Variants in MAPK4 observed in about 807,000 individuals in gnomAD.
The protein encoded by MAPK4 is mitogen-activated protein kinase 4, also known as Erk3-related.
Under a neutral mutation model 47.7 loss-of-function variants are expected in MAPK4, and 22 were observed. That is an observed-to-expected ratio of 0.46 (90% CI 0.33 to 0.66). The LOEUF (loss-of-function observed/expected upper bound fraction) is 0.66. MAPK4 is among the 30% of genes least tolerant of loss of function. The pLI is 0.02. For synonymous variants in MAPK4, 390 were observed against 365.7 expected, an observed-to-expected ratio of 1.07 and a Z score of -0.76; for missense variants, 736 against 831.7, an observed-to-expected ratio of 0.88 and a Z score of 1.42.
At chr18:50,715,722 G>T (rs988448900) in intron 3 of MAPK4, among the ~76,000 whole-genome samples, 2 of 152,140 alleles carry the variant, frequency 1.3e-5, no homozygotes, top group African/African-American at 2.4e-5. Context: ...CTTAATATTG[G>T]ATTTTCTAGC....
intron 2 of MAPK4, among the ~76,000 whole-genome samples, chr18:50,694,678 C>A (rs1178478724): frequency 1.3e-5 from 2 of 152,138 alleles, no homozygotes; most frequent in African/African-American, 2.4e-5. Flanking sequence ...GTAGAGAGGC[C>A]TTTGGTGACC....
At chr18:50,626,320 G>A (rs2042777814) in intron 1 of MAPK4, among the ~76,000 whole-genome samples, 1 of 152,214 alleles carries the variant, frequency 6.6e-6, no homozygotes, top group African/African-American at 2.4e-5. Context: ...CTGAACGTGA[G>A]GTCTGTGGAG....
At chr18:50,713,584 A>C (rs975354472) in intron 2 of MAPK4, among the ~76,000 whole-genome samples, 1 of 152,250 alleles carries the variant, frequency 6.6e-6, no homozygotes, top group Non-Finnish European at 1.5e-5. Context: ...ATAACAAGAC[A>C]CAGCTGCTGC....
At chr18:50,704,560 C>T (rs1486858390) in intron 2 of MAPK4, 1 of 398,494 alleles carries the variant, frequency 2.5e-6, no homozygotes, top group African/African-American at 2.1e-5. Context: ...CATTGTGGGT[C>T]ACATTCCAGA....
intron 1 of MAPK4, among the ~76,000 whole-genome samples, chr18:50,581,371 C>T (rs1458714199): frequency 2.6e-5 from 4 of 152,120 alleles, no homozygotes; most frequent in South Asian, 2.1e-4. Context: ...TGGCTGGAGG[C>T]GTTGGTTCCT....
intron 1 of MAPK4, among the ~76,000 whole-genome samples, chr18:50,635,412 A>G (rs1365531863): frequency 2.0e-5 from 3 of 152,082 alleles, no homozygotes; most frequent in African/African-American, 4.8e-5. Context: ...TCATTTCTAT[A>G]CCCACCAGCA....
At chr18:50,605,026 C>T (rs1228454702) in intron 1 of MAPK4, among the ~76,000 whole-genome samples, 1 of 152,222 alleles carries the variant, frequency 6.6e-6, no homozygotes, top group East Asian at 1.9e-4. Context: ...CCTGACATTA[C>T]TGCCATAGAC....
chr18:50,720,411 G>T lies in MAPK4; in HGVS notation c.692-1527G>T, dbSNP rs60928548. On this transcript the variant is annotated intron_variant, in intron 3 of 5. Transcript: ENST00000400384. The stretch of plus-strand genomic sequence containing the variant: ...TAATCATCCTCATTCCACAAGGGGT[G>T]GGGGAGCTAGGTCTGCCTCCAGGGC... Among the ~76,000 whole-genome samples, 41 of 151,832 alleles carry T rather than the reference G, an allele frequency of 2.7e-4. No homozygotes were observed. In the East Asian group the frequency reaches 7.0e-3, roughly 26 times the overall value.
intron 1 of MAPK4, among the ~76,000 whole-genome samples, chr18:50,604,806 A>G (rs947973935): frequency 3.9e-5 from 6 of 152,188 alleles, no homozygotes; most frequent in Non-Finnish European, 2.9e-5. Context: ...CAAGAGTGCA[A>G]TGGCCTGGAG....
At chr18:50,720,266 C>T (rs1301333723) in intron 3 of MAPK4, among the ~76,000 whole-genome samples, 1 of 152,198 alleles carries the variant, frequency 6.6e-6, no homozygotes, top group Non-Finnish European at 1.5e-5. Context: ...CACTCTTCCC[C>T]ACTCCTAGAA....
At chr18:50,689,404 T>TAAAAAAAAAAAAA (rs34978159) in intron 2 of MAPK4, among the ~76,000 whole-genome samples, 1 of 84,850 alleles carries the variant, frequency 1.2e-5, no homozygotes, top group African/African-American at 4.3e-5. Context: ...AACTCCATCT[T>TAAAAAAAAAAAAA]AAAAAAAAAA....
chr18:50,617,584 C>T (rs1026284591), intron 1 of MAPK4, among the ~76,000 whole-genome samples: 1 of 152,070 alleles, frequency 6.6e-6, no homozygotes, highest in African/African-American at 2.4e-5. Context: ...GCTGCAGAGC[C>T]GATGAGGTGG....
At chr18:50,631,378 G>A (rs1010102384) in intron 1 of MAPK4, among the ~76,000 whole-genome samples, 5 of 152,028 alleles carry the variant, frequency 3.3e-5, no homozygotes, top group African/African-American at 9.7e-5. Flanking sequence ...CAATGTTAAC[G>A]AATCAACAAT....
In MAPK4 at chr18:50,673,577, C is replaced by T. The variant is rs536033654; in HGVS notation, c.546+9073C>T. Among the ~76,000 whole-genome samples, 137 of 151,742 alleles carry T rather than the reference C, an allele frequency of 9.0e-4. 1 individual carries two copies. Among genetic ancestry groups the T allele is most frequent in the Non-Finnish European group, 1.8e-3 (123 of 67,874 alleles). On this transcript the variant is annotated intron_variant, in intron 2 of 5. Coordinates refer to ENST00000400384, the MANE Select transcript of MAPK4 (RefSeq NM_002747.4). ...CCTGGGTGTAAAATGCTGAATTGGCCGTCGCGGTGGCTCACGCCTGTAATC... is the reference window on the plus strand; with the variant it reads ...CCTGGGTGTAAAATGCTGAATTGGCTGTCGCGGTGGCTCACGCCTGTAATC...
rs577478569 is a variant in MAPK4 at position 50,722,666 on chromosome 18, G to A, written c.853+567G>A. Among the ~76,000 whole-genome samples the A allele has an allele frequency of 2.7e-3, 415 of 152,330 alleles. 1 individual carries two copies. The highest frequency in any genetic ancestry group is 4.3e-3 in the Non-Finnish European group (290 of 68,026). ...CAGCCGAAACGTCCATCTTGTGACAGGTGCAGAACAAGGGAGGCAGGCCCC... is the reference window on the plus strand; with the variant it reads ...CAGCCGAAACGTCCATCTTGTGACAAGTGCAGAACAAGGGAGGCAGGCCCC... On this transcript the variant is annotated intron_variant, in intron 4 of 5. Transcript: ENST00000400384.
intron 2 of MAPK4, among the ~76,000 whole-genome samples, chr18:50,702,980 C>T (rs896294236): frequency 6.6e-6 from 1 of 152,208 alleles, no homozygotes; most frequent in East Asian, 1.9e-4. Flanking sequence ...CTGCCTGCAA[C>T]TTGCAGGTTT....
chr18:50,711,829 T>G (rs1192106170), intron 2 of MAPK4, among the ~76,000 whole-genome samples: 3 of 152,008 alleles, frequency 2.0e-5, no homozygotes, highest in Admixed American at 1.3e-4. Flanking sequence ...TTAAAGTTTT[T>G]TTTTTTTTTT....
chr18:50,646,661 A>T (rs1284132764), intron 1 of MAPK4, among the ~76,000 whole-genome samples: 1 of 150,916 alleles, frequency 6.6e-6, no homozygotes, highest in African/African-American at 2.4e-5. Context: ...GATAATGATG[A>T]CCCCCCTTGC....
intron 1 of MAPK4, among the ~76,000 whole-genome samples, chr18:50,567,106 T>C (rs2149356522): frequency 6.6e-6 from 1 of 152,312 alleles, no homozygotes; most frequent in South Asian, 2.1e-4. Flanking sequence ...GCTTTTTTTT[T>C]TTACTTTAAG....
Sources: gnomAD v4.1 joint callset for allele counts (sites outside exome capture counted in the v4.1 genomes callset) on GRCh38, gnomAD v4.1.1 for gene constraint, MANE v1.5 for transcripts, NCBI Gene and HGNC (gene_info 2026-07-23, HGNC 2026-07-21) for gene names.